FHIT: variants seen among roughly 807,000 people sequenced by gnomAD.
The protein encoded by FHIT is fragile histidine triad diadenosine triphosphatase, also known as bis(5'-adenosyl)-triphosphatase.
FHIT carries 19 observed loss-of-function variants against 17.9 expected under a neutral mutation model. The ratio of observed to expected loss-of-function variants is 1.06; its 90% confidence interval spans 0.74 to 1.56. The LOEUF is 1.56. Among genes scored for constraint, FHIT ranks in the 40% most tolerant of loss-of-function variants. FHIT has a pLI of 0.00. For synonymous variants in FHIT, 81 were observed against 69.7 expected, an observed-to-expected ratio of 1.16 and a Z score of -0.81; for missense variants, 248 against 189.2, an observed-to-expected ratio of 1.31 and a Z score of -1.82.
At chr3:60,848,500 A>T (rs1703013951) in intron 3 of FHIT, among the ~76,000 whole-genome samples, 1 of 152,226 alleles carries the variant, frequency 6.6e-6, no homozygotes, top group Admixed American at 6.5e-5. Flanking sequence ...AAAGATGGCC[A>T]CCCTTCAACC....
At chr3:60,789,377 G>T (rs145260078) in intron 4 of FHIT, among the ~76,000 whole-genome samples, 5 of 152,124 alleles carry the variant, frequency 3.3e-5, no homozygotes, top group East Asian at 3.9e-4. Flanking sequence ...AATTAGCTGC[G>T]CATGGTGGTG....
intron 4 of FHIT, among the ~76,000 whole-genome samples, chr3:60,609,825 G>A (rs985423003): frequency 3.3e-5 from 5 of 152,002 alleles, no homozygotes; most frequent in African/African-American, 4.8e-5. Flanking sequence ...CTATCAATCC[G>A]GAGTTCCTGC....
At chr3:60,121,026 A>T (rs1705222093) in intron 5 of FHIT, among the ~76,000 whole-genome samples, 2 of 152,124 alleles carry the variant, frequency 1.3e-5, no homozygotes, top group Non-Finnish European at 2.9e-5. Flanking sequence ...GACCTCCTGA[A>T]ACCCTCAAAA....
At chr3:60,287,643 A>G (rs1281208512) in intron 5 of FHIT, among the ~76,000 whole-genome samples, 4 of 152,182 alleles carry the variant, frequency 2.6e-5, no homozygotes, top group African/African-American at 9.6e-5. Context: ...AAGGGGATCA[A>G]GTGTGGAAAG....
intron 4 of FHIT, among the ~76,000 whole-genome samples, chr3:60,651,880 G>GCAAA (rs1354135788): frequency 6.6e-6 from 1 of 152,174 alleles, no homozygotes; most frequent in Admixed American, 6.5e-5. Context: ...GGTCCACTGA[G>GCAAA]CAAACCTATT....
intron 5 of FHIT, among the ~76,000 whole-genome samples, chr3:60,426,890 A>T (rs1032773046): frequency 6.6e-6 from 1 of 152,114 alleles, no homozygotes; most frequent in African/African-American, 2.4e-5. Context: ...TGCCTCTGGT[A>T]TATGTAACCC....
intron 4 of FHIT, among the ~76,000 whole-genome samples, chr3:60,699,039 T>A (rs1347679367): frequency 6.6e-6 from 1 of 152,214 alleles, no homozygotes. Flanking sequence ...ATGCCATAAG[T>A]AACAATCTGT....
rs544707994 is a variant in FHIT, at chr3:61,141,587, G to A, written c.-164+59030C>T. Reference sequence around the variant, plus strand: ...CAATGAGAATGTGTCTCAGAAACAGGACACAGAAACTATCTCTTACGATGT... The same window carrying A: ...CAATGAGAATGTGTCTCAGAAACAGAACACAGAAACTATCTCTTACGATGT... On this transcript the variant is annotated intron_variant, in intron 2 of 9. Coordinates refer to ENST00000492590, the MANE Select transcript of FHIT (RefSeq NM_002012.4). 1.1e-3 allele frequency among the ~76,000 whole-genome samples: 156 copies of A among 144,686 alleles called. 6 individuals are homozygous for A. The highest frequency in any genetic ancestry group is 2.7e-3 in the Admixed American group (39 of 14,424). The allele number at this position is 144,686 out of a possible 152,430, so 94.9% of individuals were successfully genotyped here.
chr3:60,661,404 T>C (rs1242095536), intron 4 of FHIT, among the ~76,000 whole-genome samples: 1 of 152,192 alleles, frequency 6.6e-6, no homozygotes, highest in South Asian at 2.1e-4. Flanking sequence ...TACGGCTGAA[T>C]AGTATTCCAT....
chr3:60,142,559 C>T (rs2107304750), intron 5 of FHIT, among the ~76,000 whole-genome samples: 1 of 152,276 alleles, frequency 6.6e-6, no homozygotes, highest in South Asian at 2.1e-4. Flanking sequence ...AGTGCAGCAG[C>T]ACGATCATGG....
At chr3:60,069,536 G>A (rs1702671174) in intron 5 of FHIT, among the ~76,000 whole-genome samples, 1 of 152,184 alleles carries the variant, frequency 6.6e-6, no homozygotes, top group African/African-American at 2.4e-5. Flanking sequence ...TGCTTGTATA[G>A]CGCTTTTGTC....
At chr3:60,954,702 G>T (rs1398467442) in intron 3 of FHIT, among the ~76,000 whole-genome samples, 1 of 152,138 alleles carries the variant, frequency 6.6e-6, no homozygotes, top group Non-Finnish European at 1.5e-5. Flanking sequence ...TCCAAAAGAG[G>T]TTAGCTGCAA....
intron 5 of FHIT, among the ~76,000 whole-genome samples, chr3:60,403,107 C>T (rs1194047440): frequency 6.6e-6 from 1 of 152,170 alleles, no homozygotes; most frequent in Non-Finnish European, 1.5e-5. Context: ...TCCAAGCGTT[C>T]AAGTGGTACT....
chr3:60,076,247 A>C (rs1419919214), intron 5 of FHIT, among the ~76,000 whole-genome samples: 3 of 152,114 alleles, frequency 2.0e-5, no homozygotes. Context: ...CTTTAAAATG[A>C]AAGTGACTTC....
intron 4 of FHIT, among the ~76,000 whole-genome samples, chr3:60,644,582 A>G (rs2039809299): frequency 6.6e-6 from 1 of 152,204 alleles, no homozygotes; most frequent in Non-Finnish European, 1.5e-5. Context: ...CATTGCATAA[A>G]ACACAACATT....
At chr3:60,230,162 A>G (rs1242367412) in intron 5 of FHIT, among the ~76,000 whole-genome samples, 1 of 152,170 alleles carries the variant, frequency 6.6e-6, no homozygotes, top group African/African-American at 2.4e-5. Flanking sequence ...ACACCACCAC[A>G]TTTCTAGTTC....
intron 2 of FHIT, among the ~76,000 whole-genome samples, chr3:61,090,106 C>T (rs1018208474): frequency 2.0e-5 from 3 of 152,126 alleles, no homozygotes; most frequent in African/African-American, 7.2e-5. Context: ...CAAGATTATG[C>T]CTTTCATCCT....
At chr3:60,889,038 A>G (rs572618935) in intron 3 of FHIT, among the ~76,000 whole-genome samples, 1 of 151,532 alleles carries the variant, frequency 6.6e-6, no homozygotes, top group African/African-American at 2.4e-5. Context: ...TCGATTACCT[A>G]CTCCACCCCG....
At chr3:60,170,670 AG>A (rs1327071065) in intron 5 of FHIT, among the ~76,000 whole-genome samples, 4 of 152,162 alleles carry the variant, frequency 2.6e-5, no homozygotes, top group African/African-American at 9.7e-5. Flanking sequence ...AAATCAAAGC[AG>A]GTTTCTCCTT....
Sources: gnomAD v4.1 joint callset for allele counts (sites outside exome capture counted in the v4.1 genomes callset) on GRCh38, gnomAD v4.1.1 for gene constraint, MANE v1.5 for transcripts, NCBI Gene and HGNC (gene_info 2026-07-23, HGNC 2026-07-21) for gene names.